The following SPATA13 variants were observed in gnomAD, a reference collection of about 807,000 sequenced individuals.
The protein encoded by SPATA13 is spermatogenesis associated 13.
SPATA13 carries 50 observed loss-of-function variants against 104.0 expected under a neutral mutation model. The observed-to-expected ratio is 0.48, with a 90% CI of 0.38 to 0.61. SPATA13 has a LOEUF of 0.61. Ranked by LOEUF, SPATA13 falls within the 20% of genes least tolerant of loss-of-function variation. The probability of loss-of-function intolerance (pLI) is 0.00; values close to 1 mark genes in which losing one functional copy is unlikely to be tolerated. For missense variants in SPATA13, 1,524 were observed against 1,690.6 expected (o/e 0.90, Z 1.73); for synonymous variants, 606 against 667.5 (o/e 0.91, Z 1.42).
intron 2 of SPATA13, among the ~76,000 whole-genome samples, chr13:24,001,117 C>T (rs1875947368): frequency 6.6e-6 from 1 of 152,148 alleles, no homozygotes; most frequent in Non-Finnish European, 1.5e-5. Context: ...GGCCGAGTGG[C>T]CTCTTCTACT....
At chr13:24,041,803 G>A (rs912867) in intron 3 of SPATA13, among the ~76,000 whole-genome samples, 73,019 of 151,932 alleles carry the variant, frequency 0.48, 19,362 homozygotes, top group East Asian at 0.64. Context: ...GTGGGAAAGC[G>A]TGAGACAGGT....
intron 4 of SPATA13, chr13:24,278,962 TTCCCTCCTTCCC>T (rs1234136635): frequency 6.4e-5 from 30 of 469,866 alleles, no homozygotes; most frequent in South Asian, 1.4e-4. Flanking sequence ...CCTTCCTTCC[TTCCCTCCTTCCC>T]TCCCTCCCTC....
Position 24,019,087 on chromosome 13 carries a change from A to ATTT in SPATA13, c.-112+1388_-112+1389insTTT, listed in dbSNP as rs1445015440. Among the ~76,000 whole-genome samples, 10 of 138,206 alleles carry ATTT rather than the reference A, an allele frequency of 7.2e-5. No individual in the cohort carries two copies. The East Asian group carries it at 1.0e-3, about 14-fold the overall frequency. The allele number at this position is 138,206 out of a possible 152,430, so 90.7% of individuals were successfully genotyped here. A position where few individuals can be genotyped will look rare whatever the true frequency, so the allele number is the denominator to read the frequency against. ...AAGTTATATGATTCTTATTATTATTATTATTATTTTTTTTTTTTTGAGACG... is the reference window on the plus strand; with the variant it reads ...AAGTTATATGATTCTTATTATTATTATTTTTATTATTTTTTTTTTTTTGAGACG... On this transcript the variant is annotated intron_variant, in intron 3 of 14. Transcript: ENST00000424834.
rs373207807 is a variant in SPATA13, at chr13:24,004,649, C to G, written c.-146-13018C>G. The stretch of plus-strand genomic sequence containing the variant: ...CAGGAAGACGCAGGTGTGGTCAGCA[C>G]AGTGCATCAATTAAATCAATTCCGA... On this transcript the variant is annotated intron_variant, in intron 2 of 14. Transcript: ENST00000424834. 3.3e-5 allele frequency among the ~76,000 whole-genome samples: 5 copies of G among 152,280 alleles called. No individual in the cohort carries two copies. In the East Asian group the frequency reaches 5.8e-4, roughly 18 times the overall value.
intron 3 of SPATA13, among the ~76,000 whole-genome samples, chr13:24,050,029 C>T (rs2861548): frequency 0.43 from 64,754 of 151,682 alleles, 15,389 homozygotes; most frequent in African/African-American, 0.65. Context: ...CCCACCACCA[C>T]GCCCAGCTAA....
intron 1 of SPATA13, among the ~76,000 whole-genome samples, chr13:24,221,054 A>G (rs895948611): frequency 1.3e-5 from 2 of 152,022 alleles, no homozygotes; most frequent in African/African-American, 4.8e-5. Flanking sequence ...GATTTTTGGG[A>G]TTTATTTACA....
chr13:24,026,614 G>T (rs1453180080), intron 3 of SPATA13, among the ~76,000 whole-genome samples: 5 of 152,284 alleles, frequency 3.3e-5, no homozygotes, highest in African/African-American at 1.2e-4. Context: ...GTCTCGCTCT[G>T]TCACCCAGGC....
At chr13:24,122,442 G>T in intron 3 of SPATA13, 2 of 1,598,728 alleles carry the variant, frequency 1.3e-6, no homozygotes, top group South Asian at 1.1e-5. Flanking sequence ...AGTCTTCATC[G>T]TCTCCATCTT....
chr13:24,058,130 A>C (rs1170528600), intron 3 of SPATA13, among the ~76,000 whole-genome samples: 2 of 151,812 alleles, frequency 1.3e-5, no homozygotes, highest in African/African-American at 4.8e-5. Context: ...ATTTACCTTT[A>C]CATAATTATG....
rs1402841542 is a variant in SPATA13 at position 24,223,427 on chromosome 13, G to A, written c.498G>A (p.Pro166=). The change falls in exon 2 of 13, where the codon CCG becomes CCA. Residue 166 remains proline (P), a synonymous_variant. Coordinates refer to ENST00000382108, the MANE Select transcript of SPATA13 (RefSeq NM_001166271.3). ...CAAGCAGGGGCTCCCCCTTAGCACCGGGACCAGCATGTGGTGCCCTCAGGC... is the reference window on the plus strand; with the variant it reads ...CAAGCAGGGGCTCCCCCTTAGCACCAGGACCAGCATGTGGTGCCCTCAGGC... ...AQASRGSPLA[P]GPACGALRPA... is the part of the protein sequence containing the mutation. The A allele has an allele frequency of 3.9e-6, 6 of 1,551,026 alleles. No individual in the cohort carries two copies. The highest frequency in any genetic ancestry group is 3.9e-5 in the Admixed American group (2 of 51,002).
intron 2 of SPATA13, among the ~76,000 whole-genome samples, chr13:23,990,399 C>A (rs1438986363): frequency 6.6e-6 from 1 of 152,132 alleles, no homozygotes; most frequent in East Asian, 1.9e-4. Context: ...TTGCTCATTG[C>A]CCCCTCCTTC....
chr13:24,297,823 C>T (rs1876901983), intron 11 of SPATA13, 88 bp downstream of exon 11: 1 of 1,455,010 alleles, frequency 6.9e-7, no homozygotes, highest in Admixed American at 2.3e-5. Flanking sequence ...CTCTGCCCAG[C>T]CTTCTCCCTC....
At chr13:24,249,952 C>A in intron 3 of SPATA13, 110 bp downstream of exon 3, 3 of 1,418,676 alleles carry the variant, frequency 2.1e-6, no homozygotes, top group Non-Finnish European at 2.8e-6. Context: ...TTCTCAAGGG[C>A]GGCACCATGT....
At chr13:24,082,467 C>A (rs1357336387) in intron 3 of SPATA13, among the ~76,000 whole-genome samples, 1 of 152,154 alleles carries the variant, frequency 6.6e-6, no homozygotes, top group Non-Finnish European at 1.5e-5. Flanking sequence ...GTTTTGTCCA[C>A]CACAGTGGGA....
chr13:24,102,013 G>A (rs1035428019), intron 3 of SPATA13, among the ~76,000 whole-genome samples: 1 of 152,048 alleles, frequency 6.6e-6, no homozygotes, highest in Non-Finnish European at 1.5e-5. Flanking sequence ...TAGGATTGTT[G>A]GATCATATGG....
At position 24,098,606 on chromosome 13, in the gene SPATA13, A is replaced by AAAC. The variant is rs1555261418; in HGVS notation, c.-112+80907_-112+80908insCAA. ...AGTGAGACTGTCTTAAAAAAAAAAA[A>AAAC]AAGAAGAAGAAGAAAAGAAAGAAAG... On this transcript the variant is annotated intron_variant, in intron 3 of 14. Transcript: ENST00000424834. 1.0e-3 allele frequency among the ~76,000 whole-genome samples: 152 copies of AAAC among 147,854 alleles called. 3 individuals are homozygous for AAAC. The highest frequency in any genetic ancestry group is 4.3e-3 in the South Asian group (20 of 4,678).
chr13:24,143,624 A>G (rs1881834800), intron 3 of SPATA13, among the ~76,000 whole-genome samples: 1 of 152,110 alleles, frequency 6.6e-6, no homozygotes, highest in South Asian at 2.1e-4. Flanking sequence ...GCTGCCAGTT[A>G]TGGAGAGAGA....
intron 1 of SPATA13, among the ~76,000 whole-genome samples, chr13:24,173,458 CTTTA>C (rs1883079717): frequency 6.7e-6 from 1 of 149,748 alleles, no homozygotes; most frequent in Non-Finnish European, 1.5e-5. Flanking sequence ...AATGGAATGG[CTTTA>C]TTTCTTTCTT....
chr13:24,277,443 C>CA (rs751513515), intron 4 of SPATA13, among the ~76,000 whole-genome samples: 20,448 of 50,498 alleles, frequency 0.4, 2,321 homozygotes, highest in Middle Eastern at 0.52. Context: ...GACTCCGTCT[C>CA]AAAAAAAAAA....
Sources: allele counts gnomAD v4.1 joint callset (sites outside exome capture counted in the v4.1 genomes callset), GRCh38; gene constraint gnomAD v4.1.1; transcripts MANE v1.5; gene names NCBI Gene and HGNC (gene_info 2026-07-23, HGNC 2026-07-21).